Variants in CLUL1 observed in about 807,000 individuals in gnomAD.
CLUL1 encodes the protein clusterin like 1, also known as clusterin-like protein 1.
CLUL1 carries 43 observed loss-of-function variants against 49.4 expected under a neutral mutation model. That is an observed-to-expected ratio of 0.87 (90% CI 0.68 to 1.12). CLUL1 has a LOEUF of 1.12. Ranked by LOEUF, CLUL1 falls within the 50% of genes most tolerant of loss-of-function variation. The pLI, the probability that CLUL1 is intolerant of heterozygous loss-of-function variation, is 0.00. For missense variants in CLUL1, 486 were observed against 544.4 expected, an observed-to-expected ratio of 0.89 and a Z score of 1.07; for synonymous variants, 192 against 184.9, an observed-to-expected ratio of 1.04 and a Z score of -0.31.
chr18:611,672 A>C (rs948781672), intron 2 of CLUL1, among the ~76,000 whole-genome samples: 1 of 152,226 alleles, frequency 6.6e-6, no homozygotes, highest in African/African-American at 2.4e-5. Flanking sequence ...GAGGAGGACC[A>C]AGAGCTAATG....
chr18:613,496 C>T (rs1050670967), intron 2 of CLUL1, among the ~76,000 whole-genome samples: 4 of 148,826 alleles, frequency 2.7e-5, no homozygotes, highest in African/African-American at 9.9e-5. Context: ...GCTCTGTTGC[C>T]CAGGCTGGAG....
chr18:621,338 G>A (rs186881455), intron 4 of CLUL1, among the ~76,000 whole-genome samples: 97 of 152,228 alleles, frequency 6.4e-4, no homozygotes, highest in African/African-American at 2.1e-3. Context: ...AACTGGAGCC[G>A]GGTAGTGTGA....
chr18:627,481 A>G lies in CLUL1; in HGVS notation c.808A>G (p.Ile270Val). ...TATTTATGAAAGTGTCAGTGAAACA[A>G]TTACTAAGATGCTGAAGGCAATAGA... ...VSIYESVSETITKMLKAIEDL... is the reference protein window; with the variant it reads ...VSIYESVSETVTKMLKAIEDL... Residue 270 changes from isoleucine (I) to valine (V), a missense_variant, in exon 6 of 10, where the codon ATT becomes GTT. Coordinates refer to ENST00000692774, the MANE Select transcript of CLUL1 (RefSeq NM_001393344.1). 1.2e-6 allele frequency: 2 copies of G among 1,613,398 alleles called. No individual in the cohort carries two copies. Among genetic ancestry groups the G allele is most frequent in the Non-Finnish European group, 1.7e-6 (2 of 1,179,448 alleles).
At chr18:626,884 A>C (rs1239908408) in intron 5 of CLUL1, among the ~76,000 whole-genome samples, 1 of 206 alleles carries the variant, frequency 4.9e-3, no homozygotes. Flanking sequence ...AGAAAGAAAG[A>C]AAGAAAGAAA....
At chr18:615,733 A>G (rs1001330414) in intron 2 of CLUL1, among the ~76,000 whole-genome samples, 2 of 152,174 alleles carry the variant, frequency 1.3e-5, no homozygotes, top group Admixed American at 6.5e-5. Context: ...TAAAATAATA[A>G]TAGTTCGAGT....
At chr18:626,903 GAAAGAAAGAAAGAAAGAAAGAAA>G (rs1274224131) in intron 5 of CLUL1, among the ~76,000 whole-genome samples, 171 bp from the exon 6 acceptor site, 1 of 594 alleles carries the variant, frequency 1.7e-3, no homozygotes, top group African/African-American at 2.0e-3. Context: ...AAGAAAGAAA[GAAAGAAAGAAAGAAAGAAAGAAA>G]GAAGGAAAGA....
intron 1 of CLUL1, among the ~76,000 whole-genome samples, chr18:600,422 ACC>A (rs1555629677): frequency 1.6e-4 from 25 of 152,314 alleles, no homozygotes; most frequent in Non-Finnish European, 3.5e-4. Flanking sequence ...ATTGTTCTCA[ACC>A]ATTTTCTCGC....
chr18:635,828 C>T (rs986896214), intron 7 of CLUL1, among the ~76,000 whole-genome samples: 3 of 152,168 alleles, frequency 2.0e-5, no homozygotes, highest in African/African-American at 7.2e-5. Flanking sequence ...CCTCTACCTC[C>T]TGAGTTCAAG....
chr18:618,184 T>A lies in CLUL1; in HGVS notation c.106+78T>A, dbSNP rs1028480785. ...GCTGGCGTTTATAGTGAGTCGCAGT[T>A]GAGAGATAACCATATTCGCTGTTTT... is the stretch of plus-strand genomic sequence containing the variant. On this transcript the variant is annotated intron_variant, in intron 3 of 9. Transcript: ENST00000692774. This position sits in a 1 kb window ranked among gnomAD's most constrained non-coding sequence, Gnocchi z 4.2. 4 of 1,067,078 alleles carry A rather than the reference T, an allele frequency of 3.7e-6. No homozygotes were observed. In the Admixed American group the frequency reaches 5.7e-5, roughly 15 times the overall value. 66.1% of individuals were successfully genotyped at this position (1,067,078 alleles called of 1,614,324 possible). A position where few individuals can be genotyped will look rare whatever the true frequency, so the allele number is the denominator to read the frequency against.
intron 9 of CLUL1, chr18:649,518 C>T (rs1304904678): frequency 6.1e-6 from 1 of 163,252 alleles, no homozygotes; most frequent in African/African-American, 2.4e-5. Flanking sequence ...TAGATGGGCT[C>T]TTACCATCAT....
At chr18:633,178 T>C (rs913223896) in intron 6 of CLUL1, 120 bp from the exon 7 acceptor site, 2 of 712,658 alleles carry the variant, frequency 2.8e-6, no homozygotes, top group South Asian at 2.8e-5. Context: ...ATTAAATACA[T>C]ACATACATAT....
chr18:645,756 T>C lies in CLUL1; in HGVS notation c.1397+659T>C, dbSNP rs572845909. Among the ~76,000 whole-genome samples, 277 of 120,052 alleles carry C rather than the reference T, an allele frequency of 2.3e-3. 8 individuals are homozygous for C. Among genetic ancestry groups the C allele is most frequent in the African/African-American group, 4.4e-3 (137 of 31,260 alleles). 78.8% of individuals were successfully genotyped at this position (120,052 alleles called of 152,430 possible). A position where few individuals can be genotyped will look rare whatever the true frequency, so the allele number is the denominator to read the frequency against. On this transcript the variant is annotated intron_variant, in intron 9 of 9. Transcript: ENST00000692774. ...TTGCAGTGAGCAGAGATCGCGCCACTGCACTCCAGCCTGGGCGACAGAGCG... is the reference window on the plus strand; with the variant it reads ...TTGCAGTGAGCAGAGATCGCGCCACCGCACTCCAGCCTGGGCGACAGAGCG...
intron 9 of CLUL1, among the ~76,000 whole-genome samples, chr18:648,341 A>G (rs951223027): frequency 2.6e-5 from 4 of 152,368 alleles, no homozygotes; most frequent in Middle Eastern, 3.4e-3. Context: ...CTAACAAGGC[A>G]CACGAAGTGA....
chr18:647,653 G>A (rs2074545211), intron 9 of CLUL1, among the ~76,000 whole-genome samples: 1 of 152,174 alleles, frequency 6.6e-6, no homozygotes, highest in South Asian at 2.1e-4. Context: ...GACCAGGAGA[G>A]AGGAGAGTCT....
At chr18:633,493 AT>A in intron 7 of CLUL1, 58 bp downstream of exon 7, 1 of 1,489,120 alleles carries the variant, frequency 6.7e-7, no homozygotes, top group East Asian at 2.3e-5. Flanking sequence ...ACATTTTGTT[AT>A]AAAGTTTCGG....
chr18:637,016 T>G (rs962951898), intron 7 of CLUL1, among the ~76,000 whole-genome samples: 1 of 151,464 alleles, frequency 6.6e-6, no homozygotes, highest in Admixed American at 6.6e-5. Flanking sequence ...AGACGGAGTC[T>G]TGCTCCGTCG....
intron 4 of CLUL1, among the ~76,000 whole-genome samples, chr18:621,935 C>G (rs2073499308): frequency 6.6e-6 from 1 of 151,988 alleles, no homozygotes; most frequent in Non-Finnish European, 1.5e-5. Flanking sequence ...AGAATCCAAG[C>G]AACTAGTAGA....
intron 6 of CLUL1, among the ~76,000 whole-genome samples, chr18:632,348 GT>G (rs1201320252): frequency 6.6e-6 from 1 of 151,716 alleles, no homozygotes; most frequent in Admixed American, 6.6e-5. Flanking sequence ...GTGTGTGTGT[GT>G]GTGTGTATAT....
At chr18:600,268 G>A (rs2072787802) in intron 1 of CLUL1, among the ~76,000 whole-genome samples, 1 of 152,116 alleles carries the variant, frequency 6.6e-6, no homozygotes, top group Non-Finnish European at 1.5e-5. Flanking sequence ...GGACAGACAT[G>A]AAGGACACAT....
Sources: gnomAD v4.1 joint callset for allele counts (sites outside exome capture counted in the v4.1 genomes callset) on GRCh38, gnomAD v4.1.1 for gene constraint, Gnocchi (gnomAD v3.1) non-coding constraint, MANE v1.5 for transcripts, NCBI Gene and HGNC (gene_info 2026-07-23, HGNC 2026-07-21) for gene names.